Variants in LINGO2 observed in about 807,000 individuals in gnomAD.
LINGO2 encodes leucine rich repeat and Ig domain containing 2.
A neutral mutation model predicts 30.6 loss-of-function variants in LINGO2; 14 were observed. The ratio of observed to expected loss-of-function variants is 0.46; its 90% confidence interval spans 0.30 to 0.72. The LOEUF (loss-of-function observed/expected upper bound fraction) is 0.72, where lower values mean the gene tolerates loss of function less well. LINGO2 is among the 30% of genes least tolerant of loss of function. LINGO2 has a pLI of 0.07. For synonymous variants in LINGO2, 317 were observed against 288.5 expected, an observed-to-expected ratio of 1.10 and a Z score of -1.00; for missense variants, 729 against 751.7, an observed-to-expected ratio of 0.97 and a Z score of 0.35.
intron 4 of LINGO2, among the ~76,000 whole-genome samples, chr9:28,100,191 T>C (rs1486261398): frequency 6.6e-6 from 1 of 152,164 alleles, no homozygotes; most frequent in Non-Finnish European, 1.5e-5. Context: ...TCAAAATTAT[T>C]TGACACATAA....
chr9:27,999,994 A>G (rs1436972887), intron 5 of LINGO2, among the ~76,000 whole-genome samples: 1 of 152,182 alleles, frequency 6.6e-6, no homozygotes, highest in African/African-American at 2.4e-5. Flanking sequence ...TTGTTACGGT[A>G]CTTGAAATAA....
chr9:28,166,352 G>A (rs1206181544), intron 4 of LINGO2, among the ~76,000 whole-genome samples: 2 of 152,180 alleles, frequency 1.3e-5, no homozygotes, highest in East Asian at 3.9e-4. Flanking sequence ...CTACTTACCA[G>A]CACTCTAAGC....
intron 4 of LINGO2, among the ~76,000 whole-genome samples, chr9:28,291,963 A>C (rs1823745973): frequency 6.6e-6 from 1 of 152,236 alleles, no homozygotes; most frequent in Admixed American, 6.5e-5. Flanking sequence ...TGCATATAGG[A>C]GAACAATGAT....
chr9:29,061,175 G>C, the LINGO2 span, among the ~76,000 whole-genome samples: 1 of 151,934 alleles, frequency 6.6e-6, no homozygotes, highest in African/African-American at 2.4e-5. Context: ...CAATAGAGAG[G>C]AGAAGCTGTT....
At chr9:28,854,059 G>A in the LINGO2 span, among the ~76,000 whole-genome samples, 2 of 151,918 alleles carry the variant, frequency 1.3e-5, no homozygotes. Flanking sequence ...GCAATGACAG[G>A]AGACATTTTT....
At chr9:28,003,955 G>T (rs1023617932) in intron 5 of LINGO2, among the ~76,000 whole-genome samples, 4 of 152,160 alleles carry the variant, frequency 2.6e-5, no homozygotes, top group African/African-American at 9.7e-5. Flanking sequence ...AACATTGCTG[G>T]TTGAATATTT....
chr9:28,661,363 C>T (rs1666855525), intron 1 of LINGO2, among the ~76,000 whole-genome samples: 1 of 152,016 alleles, frequency 6.6e-6, no homozygotes, highest in Non-Finnish European at 1.5e-5. Context: ...CTTGGCCTGC[C>T]CTACAGTTGA....
chr9:27,985,209 G>A (rs969376971), intron 5 of LINGO2, among the ~76,000 whole-genome samples: 5 of 151,832 alleles, frequency 3.3e-5, no homozygotes, highest in Non-Finnish European at 7.4e-5. Flanking sequence ...TCAACCATGA[G>A]CATCATATAT....
the LINGO2 span, among the ~76,000 whole-genome samples, chr9:29,063,321 C>T: frequency 3.3e-5 from 5 of 151,818 alleles, no homozygotes; most frequent in Non-Finnish European, 7.4e-5. Flanking sequence ...TGAATTCATA[C>T]ATATCCATTA....
the LINGO2 span, among the ~76,000 whole-genome samples, chr9:28,848,045 G>GTA: frequency 0.066 from 1,177 of 17,800 alleles, 180 homozygotes; most frequent in Middle Eastern, 0.17. Context: ...ACTATATATA[G>GTA]TATATATATA....
intron 1 of LINGO2, among the ~76,000 whole-genome samples, chr9:28,562,548 T>C (rs1052521253): frequency 2.6e-5 from 4 of 151,100 alleles, no homozygotes; most frequent in Non-Finnish European, 5.9e-5. Flanking sequence ...CACAGAGTTA[T>C]AGGAAAATAA....
intron 2 of LINGO2, among the ~76,000 whole-genome samples, chr9:28,383,083 G>A (rs1821418033): frequency 6.6e-6 from 1 of 151,966 alleles, no homozygotes; most frequent in South Asian, 2.1e-4. Context: ...AGTCCCCTGA[G>A]TCCATGTCCC....
intron 5 of LINGO2, among the ~76,000 whole-genome samples, chr9:27,993,869 C>A (rs1036142028): frequency 3.3e-5 from 5 of 151,836 alleles, no homozygotes; most frequent in African/African-American, 1.2e-4. Flanking sequence ...TTGTGAGCAC[C>A]TGGAACATTT....
chr9:28,503,125 T>C (rs1819960714), intron 1 of LINGO2, among the ~76,000 whole-genome samples: 1 of 152,216 alleles, frequency 6.6e-6, no homozygotes, highest in Middle Eastern at 3.4e-3. Context: ...CAGGCTGTTA[T>C]TGTTAACCAA....
At chr9:27,956,759 A>G (rs1408106674) in intron 5 of LINGO2, among the ~76,000 whole-genome samples, 1 of 152,076 alleles carries the variant, frequency 6.6e-6, no homozygotes, top group African/African-American at 2.4e-5. Context: ...TTTTCCTCCT[A>G]CAGCTATCTA....
chr9:28,003,086 T>C (rs1055678722), intron 5 of LINGO2, among the ~76,000 whole-genome samples: 4 of 152,222 alleles, frequency 2.6e-5, no homozygotes, highest in Non-Finnish European at 5.9e-5. Context: ...ATTTGTAAAG[T>C]ATATATGATA....
At chr9:29,061,352 T>C in the LINGO2 span, among the ~76,000 whole-genome samples, 1 of 151,938 alleles carries the variant, frequency 6.6e-6, no homozygotes, top group Non-Finnish European at 1.5e-5. Context: ...AGGACTCACA[T>C]GAAATCTCAA....
At chr9:28,417,937 T>C (rs1823031866) in intron 2 of LINGO2, among the ~76,000 whole-genome samples, 1 of 152,126 alleles carries the variant, frequency 6.6e-6, no homozygotes, top group Admixed American at 6.6e-5. Flanking sequence ...GGCCATCTTC[T>C]CAGAAAACTC....
At chr9:28,999,142 T>G in the LINGO2 span, among the ~76,000 whole-genome samples, 47 of 152,236 alleles carry the variant, frequency 3.1e-4, no homozygotes, top group African/African-American at 1.1e-3. Context: ...AACAAGATTC[T>G]TAATTATGAT....
Sources: gnomAD v4.1 joint callset for allele counts (sites outside exome capture counted in the v4.1 genomes callset) on GRCh38, gnomAD v4.1.1 for gene constraint, MANE v1.5 for transcripts, NCBI Gene and HGNC (gene_info 2026-07-23, HGNC 2026-07-21) for gene names.